Variants in SEC14L5 observed in about 807,000 individuals in gnomAD.
SEC14L5 encodes SEC14-like protein 5.
Under a neutral mutation model 84.6 loss-of-function variants are expected in SEC14L5, and 96 were observed. That is an observed-to-expected ratio of 1.13 (90% confidence interval 0.96 to 1.34). The LOEUF is 1.34. Among genes scored for constraint, SEC14L5 ranks in the 40% most tolerant of loss-of-function variants. SEC14L5 has a pLI of 0.00. For missense variants in SEC14L5, 1,224 were observed against 942.5 expected (o/e 1.30, Z -3.91); for synonymous variants, 546 against 383.4 (o/e 1.42, Z -4.95).
At chr16:4,981,870 C>G (rs1241088920) in intron 2 of SEC14L5, among the ~76,000 whole-genome samples, 1 of 152,192 alleles carries the variant, frequency 6.6e-6, no homozygotes, top group African/African-American at 2.4e-5. Context: ...CTGAACCCCT[C>G]CAGCCTCCAC....
intron 2 of SEC14L5, among the ~76,000 whole-genome samples, chr16:4,986,379 A>T (rs1385995477): frequency 6.6e-6 from 1 of 152,172 alleles, no homozygotes; most frequent in Admixed American, 6.5e-5. Context: ...ATCTCAGGTG[A>T]TCCACCTGCC....
chr16:4,977,016 A>C (rs982668195), intron 2 of SEC14L5, among the ~76,000 whole-genome samples: 1 of 152,200 alleles, frequency 6.6e-6, no homozygotes, highest in Admixed American at 6.5e-5. Flanking sequence ...GAGGTATGAA[A>C]GGCACAGGGG....
Position 5,016,136 on chromosome 16 carries a change from G to C in SEC14L5, c.*1166G>C, listed in dbSNP as rs781601051. ...ATCCAGGGTCTCAACATGGAGTCTC[G>C]ATTCCCCCCGCGAGTGGAGGCTGCT... On this transcript the variant is annotated 3_prime_UTR_variant, in exon 16 of 16. Transcript: ENST00000251170. 1 of 152,140 alleles carries C rather than the reference G, an allele frequency of 6.6e-6. No individual in the cohort carries two copies. Among genetic ancestry groups the C allele is most frequent in the Non-Finnish European group, 1.5e-5 (1 of 68,058 alleles). 9.4% of individuals were successfully genotyped at this position (152,140 alleles called of 1,614,324 possible).
intron 2 of SEC14L5, among the ~76,000 whole-genome samples, chr16:4,964,583 C>CA (rs1275411102): frequency 5.7e-4 from 84 of 147,160 alleles, no homozygotes; most frequent in African/African-American, 1.0e-3. Flanking sequence ...GACCCTATCT[C>CA]AAAAAAAAAA....
intron 2 of SEC14L5, among the ~76,000 whole-genome samples, chr16:4,963,059 C>T (rs372813805): frequency 1.3e-4 from 20 of 152,272 alleles, no homozygotes; most frequent in African/African-American, 4.3e-4. Flanking sequence ...GAAAAGCTGG[C>T]CTTTCAGTTT....
intron 5 of SEC14L5, among the ~76,000 whole-genome samples, chr16:4,991,364 C>T (rs1299832547): frequency 6.6e-6 from 1 of 151,800 alleles, no homozygotes; most frequent in Admixed American, 6.6e-5. Flanking sequence ...AATTTCAGAG[C>T]AGTCTAGGCA....
chr16:5,010,017 G>A lies in SEC14L5; in HGVS notation c.1801-1078G>A, dbSNP rs60856359. Among the ~76,000 whole-genome samples the A allele has an allele frequency of 2.6e-3, 389 of 151,988 alleles. 3 individuals carry two copies. In the East Asian group the frequency reaches 0.035, roughly 14 times the overall value. ...AGGTCAGTAGTCAGATTTCTGATGT[G>A]CACTGTGGTTTCAGAACTGATGCAA... On this transcript the variant is annotated intron_variant, in intron 14 of 15. Coordinates refer to ENST00000251170, the MANE Select transcript of SEC14L5 (RefSeq NM_014692.2).
intron 11 of SEC14L5, among the ~76,000 whole-genome samples, chr16:5,004,201 T>C (rs1211088649): frequency 6.6e-6 from 1 of 151,510 alleles, no homozygotes; most frequent in Non-Finnish European, 1.5e-5. Flanking sequence ...CCATGGAGGG[T>C]TCAGTAGCAG....
chr16:4,998,582 C>A (rs1038940183), intron 8 of SEC14L5, among the ~76,000 whole-genome samples: 3 of 149,002 alleles, frequency 2.0e-5, no homozygotes, highest in African/African-American at 4.9e-5. Flanking sequence ...ACTAAAAATA[C>A]AAAAAATTAG....
intron 2 of SEC14L5, among the ~76,000 whole-genome samples, chr16:4,981,774 A>C (rs751342559): frequency 2.6e-5 from 4 of 152,118 alleles, no homozygotes; most frequent in Non-Finnish European, 1.5e-5. Context: ...ACATATACGC[A>C]CTTTCCAAAT....
intron 14 of SEC14L5, among the ~76,000 whole-genome samples, chr16:5,009,339 T>C (rs915145921): frequency 6.6e-6 from 1 of 152,120 alleles, no homozygotes; most frequent in African/African-American, 2.4e-5. Flanking sequence ...AGGGTCTCAC[T>C]CTATCCATGA....
rs58509776 is a variant in SEC14L5 at position 4,986,698 on chromosome 16, AT to A, written c.64-852del. Among the ~76,000 whole-genome samples, 304 of 151,962 alleles carry A rather than the reference AT, an allele frequency of 2.0e-3. 2 individuals are homozygous for A. The highest frequency in any genetic ancestry group is 6.7e-3 in the African/African-American group (278 of 41,454). ...GCCTTTCCATTTATTTAGGGCTTTA[AT>A]TTTTTTCAGCAAATGTTTTGTAGTG... On this transcript the variant is annotated intron_variant, in intron 2 of 15. Coordinates refer to ENST00000251170, the MANE Select transcript of SEC14L5 (RefSeq NM_014692.2).
chr16:4,961,383 C>G (rs1317524885), intron 2 of SEC14L5, among the ~76,000 whole-genome samples: 1 of 152,202 alleles, frequency 6.6e-6, no homozygotes, highest in Non-Finnish European at 1.5e-5. Flanking sequence ...GACTGGAGTG[C>G]AGTGGTGCCA....
Position 4,996,889 on chromosome 16 carries a change from G to T in SEC14L5, c.815G>T (p.Arg272Leu). Residue 272 changes from arginine (R) to leucine (L), a missense_variant, in exon 8 of 16, where the codon CGG (arginine) becomes CTG (leucine). By Grantham distance (102) the Arg-to-Leu change is moderately radical. Transcript: ENST00000251170. ...GATGAGCACATCCTTCGGTTCCTGCGGGCTCATGACTTCCACCTGGACAAG... is the reference window on the plus strand; with the variant it reads ...GATGAGCACATCCTTCGGTTCCTGCTGGCTCATGACTTCCACCTGGACAAG... The part of the protein sequence containing the change: ...PKDEHILRFL[R>L]AHDFHLDKAR... 6.2e-7 allele frequency: 1 copy of T among 1,613,462 alleles called. No homozygotes were observed. The highest frequency in any genetic ancestry group is 1.1e-5 in the South Asian group (1 of 91,046).
intron 15 of SEC14L5, among the ~76,000 whole-genome samples, chr16:5,014,484 G>C (rs1188582614): frequency 6.6e-6 from 1 of 152,230 alleles, no homozygotes; most frequent in African/African-American, 2.4e-5. Context: ...TCTGCCTCAG[G>C]CTCAGCGCAC....
At chr16:4,989,269 C>T (rs1955526891) in intron 4 of SEC14L5, among the ~76,000 whole-genome samples, 1 of 151,498 alleles carries the variant, frequency 6.6e-6, no homozygotes, top group Admixed American at 6.6e-5. Context: ...ATGATAACTC[C>T]AGGATAGCAA....
chr16:5,002,775 C>A (rs764643279), intron 10 of SEC14L5, among the ~76,000 whole-genome samples: 4 of 152,178 alleles, frequency 2.6e-5, no homozygotes, highest in African/African-American at 4.8e-5. Context: ...CAGGACTTGA[C>A]CAAGATCACA....
chr16:4,965,660 C>CAAAAAAAA (rs34483309), intron 2 of SEC14L5, among the ~76,000 whole-genome samples: 5 of 53,110 alleles, frequency 9.4e-5, no homozygotes, highest in South Asian at 1.4e-3. Flanking sequence ...GACTCCATCT[C>CAAAAAAAA]AAAAAAAAAA....
intron 2 of SEC14L5, among the ~76,000 whole-genome samples, chr16:4,986,878 T>C (rs1293087653): frequency 6.6e-6 from 1 of 152,256 alleles, no homozygotes; most frequent in African/African-American, 2.4e-5. Flanking sequence ...TGGTTTTATA[T>C]CCTGCAACCT....
Sources: gnomAD v4.1 joint callset for allele counts (sites outside exome capture counted in the v4.1 genomes callset) on GRCh38, gnomAD v4.1.1 for gene constraint, MANE v1.5 for transcripts, NCBI Gene and HGNC (gene_info 2026-07-23, HGNC 2026-07-21) for gene names.